The following DLGAP2 variants were observed in gnomAD, a reference collection of about 807,000 sequenced individuals.
DLGAP2 encodes DLG associated protein 2, also known as disks large-associated protein 2.
DLGAP2 carries 26 observed loss-of-function variants against 100.3 expected under a neutral mutation model. The ratio of observed to expected loss-of-function variants is 0.26; its 90% CI spans 0.19 to 0.36. The LOEUF (loss-of-function observed/expected upper bound fraction) is 0.36, where lower values mean the gene tolerates loss of function less well. Among genes scored for constraint, DLGAP2 ranks in the 10% least tolerant of loss-of-function variants. DLGAP2 has a pLI of 1.00. For missense variants in DLGAP2, 1,858 were observed against 1,453.2 expected (o/e 1.28, Z -4.53); for synonymous variants, 886 against 630.1 (o/e 1.41, Z -6.08).
intron 3 of DLGAP2, among the ~76,000 whole-genome samples, chr8:1,287,601 T>C (rs1377052686): frequency 2.0e-5 from 1 of 49,880 alleles, no homozygotes; most frequent in Non-Finnish European, 3.6e-5. Context: ...TGTGTGTGTA[T>C]GTGGTTCTGT....
chr8:1,450,498 C>T (rs576190065), intron 3 of DLGAP2, among the ~76,000 whole-genome samples: 9 of 150,618 alleles, frequency 6.0e-5, no homozygotes, highest in Non-Finnish European at 1.0e-4. Flanking sequence ...AGGTGGGCGG[C>T]CTCGGTGGCT....
intron 3 of DLGAP2, among the ~76,000 whole-genome samples, chr8:1,262,030 C>T (rs11136373): frequency 1.3e-5 from 2 of 152,014 alleles, no homozygotes; most frequent in African/African-American, 2.4e-5. Flanking sequence ...ACAGCCTTCC[C>T]TGGCTAAGCC....
chr8:1,691,415 T>G, intron 12 of DLGAP2, 120 bp from the exon 13 acceptor site: 1 of 798,136 alleles, frequency 1.3e-6, no homozygotes, highest in Non-Finnish European at 2.0e-6. Context: ...CTCGGCACGA[T>G]GAAGTCGTCA....
In DLGAP2 at chr8:1,582,516, G is replaced by GAA. The variant is rs539211033; in HGVS notation, c.1442+16635_1442+16636dup. On this transcript the variant is annotated intron_variant, in intron 6 of 14. Transcript: ENST00000637795. ...TCAAAATGAAAAAAGTCATCCTTAGGAAAAAAAAAAAAAAGCTAGGGAAAT... is the reference window on the plus strand; with the variant it reads ...TCAAAATGAAAAAAGTCATCCTTAGGAAAAAAAAAAAAAAAAGCTAGGGAAAT... Among the ~76,000 whole-genome samples, 392 of 120,216 alleles carry GAA rather than the reference G, an allele frequency of 3.3e-3. 2 individuals are homozygous for GAA. The highest frequency in any genetic ancestry group is 0.011 in the African/African-American group (368 of 33,260). The allele number at this position is 120,216 out of a possible 152,430, so 78.9% of individuals were successfully genotyped here.
At chr8:1,407,985 C>A (rs895004016) in intron 3 of DLGAP2, among the ~76,000 whole-genome samples, 2 of 152,328 alleles carry the variant, frequency 1.3e-5, no homozygotes, top group African/African-American at 2.4e-5. Flanking sequence ...TCCTGCACAG[C>A]ACAGCATGTT....
chr8:1,389,167 GC>G (rs1234000031), intron 3 of DLGAP2, among the ~76,000 whole-genome samples: 1 of 152,176 alleles, frequency 6.6e-6, no homozygotes, highest in Non-Finnish European at 1.5e-5. Context: ...GAAGTGCAGG[GC>G]CTCTTCATGA....
At chr8:1,365,514 AG>A (rs1222242848) in intron 3 of DLGAP2, among the ~76,000 whole-genome samples, 1 of 152,214 alleles carries the variant, frequency 6.6e-6, no homozygotes, top group Admixed American at 6.5e-5. Context: ...TCCCAGGTCC[AG>A]GATGGCAGGT....
intron 3 of DLGAP2, among the ~76,000 whole-genome samples, chr8:1,460,578 G>C (rs6995216): frequency 0.5 from 76,162 of 151,608 alleles, 19,585 homozygotes; most frequent in East Asian, 0.84. Context: ...TTCACTGATG[G>C]TTTTCGTGAC....
chr8:1,217,579 C>A (rs1003459547), intron 2 of DLGAP2, among the ~76,000 whole-genome samples: 1 of 152,056 alleles, frequency 6.6e-6, no homozygotes, highest in South Asian at 2.1e-4. Flanking sequence ...CTCTGATTTC[C>A]TTTAGCAGTT....
chr8:1,236,310 A>G (rs1389305160), intron 2 of DLGAP2, among the ~76,000 whole-genome samples: 1 of 53,176 alleles, frequency 1.9e-5, no homozygotes, highest in African/African-American at 8.3e-5. Flanking sequence ...GTTCTCTCAC[A>G]TGGCGCCGTG....
At chr8:866,956 C>T (rs1043700462) in intron 1 of DLGAP2, among the ~76,000 whole-genome samples, 2 of 152,142 alleles carry the variant, frequency 1.3e-5, no homozygotes, top group Non-Finnish European at 2.9e-5. Context: ...TCATCCCTTA[C>T]AGGCTCACTG....
At chr8:1,408,636 G>C (rs78508518) in intron 3 of DLGAP2, among the ~76,000 whole-genome samples, 1 of 152,122 alleles carries the variant, frequency 6.6e-6, no homozygotes, top group Admixed American at 6.5e-5. Flanking sequence ...ATGGATTCAC[G>C]CATAACTTTG....
At chr8:950,224 C>CT (rs539090873) in intron 2 of DLGAP2, among the ~76,000 whole-genome samples, 14 of 152,254 alleles carry the variant, frequency 9.2e-5, no homozygotes, top group Middle Eastern at 3.4e-3. Flanking sequence ...CAAGATGCAG[C>CT]TTCTTGATAA....
intron 8 of DLGAP2, among the ~76,000 whole-genome samples, chr8:1,663,607 C>T (rs1186272300): frequency 1.3e-5 from 2 of 152,052 alleles, no homozygotes; most frequent in African/African-American, 2.4e-5. Flanking sequence ...AGGAAAGGAC[C>T]GAGAAGCCCC....
rs58674400 is a variant in DLGAP2 at position 1,190,882 on chromosome 8, G to A, written c.74-67969G>A. Reference sequence around the variant, plus strand: ...AGCAGCAAGCGTGGGGTCTGTGGCCGTTCAGTGCACGGGGCGTGTTTATGC... The same window carrying A: ...AGCAGCAAGCGTGGGGTCTGTGGCCATTCAGTGCACGGGGCGTGTTTATGC... On this transcript the variant is annotated intron_variant, in intron 2 of 14. Transcript: ENST00000637795. Among the ~76,000 whole-genome samples, 294 of 152,254 alleles carry A rather than the reference G, an allele frequency of 1.9e-3. 1 individual carries two copies. The highest frequency in any genetic ancestry group is 6.6e-3 in the African/African-American group (274 of 41,568).
At chr8:1,227,153 G>GATAGATATATATATATATATATAT (rs796173465) in intron 2 of DLGAP2, among the ~76,000 whole-genome samples, 102 of 89,670 alleles carry the variant, frequency 1.1e-3, no homozygotes, top group Middle Eastern at 5.0e-3. Flanking sequence ...GAAACTGTGA[G>GATAGATATATATATATATATATAT]ATATATATAT....
At chr8:1,082,364 T>G (rs577641180) in intron 2 of DLGAP2, among the ~76,000 whole-genome samples, 3 of 152,336 alleles carry the variant, frequency 2.0e-5, no homozygotes, top group African/African-American at 7.2e-5. Flanking sequence ...TTTTCTTTAT[T>G]TTTAAAAAAA....
intron 3 of DLGAP2, among the ~76,000 whole-genome samples, chr8:1,302,992 G>T (rs1190901940): frequency 1.3e-5 from 2 of 152,232 alleles, no homozygotes; most frequent in African/African-American, 4.8e-5. Context: ...CTTAGCTGTC[G>T]GCTGCAGGCT....
intron 6 of DLGAP2, among the ~76,000 whole-genome samples, chr8:1,610,340 C>A (rs1050692183): frequency 3.0e-4 from 46 of 151,702 alleles, no homozygotes; most frequent in Non-Finnish European, 5.9e-4. Context: ...TTGAAACCAA[C>A]GAGAACAAAG....
Sources: allele counts gnomAD v4.1 joint callset (sites outside exome capture counted in the v4.1 genomes callset), GRCh38; gene constraint gnomAD v4.1.1; transcripts MANE v1.5; gene names NCBI Gene and HGNC (gene_info 2026-07-23, HGNC 2026-07-21).